Variants in AP2A1 observed in about 807,000 individuals in gnomAD.
AP2A1 encodes the protein AP-2 complex subunit alpha-1.
AP2A1 carries 21 observed loss-of-function variants against 107.3 expected under a neutral mutation model. That is an observed-to-expected ratio of 0.20 (90% CI 0.14 to 0.28). The LOEUF is 0.28. AP2A1 is among the 10% of genes least tolerant of loss of function. The pLI is 1.00. For missense variants in AP2A1, 873 were observed against 1,307.7 expected (o/e 0.67, Z 5.13); for synonymous variants, 602 against 564.8 (o/e 1.07, Z -0.93).
intron 4 of AP2A1, 162 bp from the exon 5 acceptor site, chr19:49,791,772 TG>T: frequency 1.3e-6 from 1 of 764,844 alleles, no homozygotes; most frequent in Non-Finnish European, 2.1e-6. Flanking sequence ...TGAGTCCTGG[TG>T]GGCCGTGAGG....
Position 49,801,506 on chromosome 19 carries a change from C to A in AP2A1, c.1670C>A (p.Ala557Asp), listed in dbSNP as rs774348187. Residue 557 changes from alanine to aspartate, a missense_variant, in exon 13 of 23, where the codon GCC becomes GAC. Ala to Asp is a moderately radical substitution (Grantham distance 126, BLOSUM62 -2). Coordinates refer to ENST00000354293, the MANE Select transcript of AP2A1 (RefSeq NM_130787.3). The part of the protein sequence containing the change: ...KFINLFPETK[A>D]TIQGVLRAGS... The stretch of plus-strand genomic sequence containing the variant: ...ATCAACCTCTTCCCCGAGACCAAGG[C>A]CACCATCCAGGGCGTCCTGCGGGCC... The A allele has an allele frequency of 8.1e-6, 13 of 1,613,642 alleles. No homozygotes were observed. Among genetic ancestry groups the A allele is most frequent in the Admixed American group, 1.7e-5 (1 of 59,978 alleles).
intron 12 of AP2A1, 28 bp from the exon 13 acceptor site, chr19:49,801,362 C>A: frequency 1.9e-6 from 3 of 1,594,332 alleles, no homozygotes; most frequent in Non-Finnish European, 2.6e-6. Flanking sequence ...TGGAACCTGG[C>A]CCCGCTGACA....
intron 6 of AP2A1, among the ~76,000 whole-genome samples, chr19:49,794,407 G>A (rs116466716): frequency 2.3e-3 from 351 of 151,050 alleles, no homozygotes; most frequent in African/African-American, 7.8e-3. Context: ...TTGCTTTGTC[G>A]CCCACACTGG....
chr19:49,778,736 AC>A (rs967737375), intron 1 of AP2A1, among the ~76,000 whole-genome samples: 96 of 152,284 alleles, frequency 6.3e-4, no homozygotes, highest in African/African-American at 2.3e-3. Flanking sequence ...TTTGTTGCTG[AC>A]TGAAATGTTG....
intron 1 of AP2A1, among the ~76,000 whole-genome samples, chr19:49,771,695 C>T (rs1006643639): frequency 1.3e-5 from 2 of 152,078 alleles, no homozygotes; most frequent in African/African-American, 4.8e-5. Context: ...AGGTGTGAGC[C>T]ACCGCGCCTG....
At chr19:49,779,369 T>A (rs1338798456) in intron 1 of AP2A1, among the ~76,000 whole-genome samples, 1 of 145,854 alleles carries the variant, frequency 6.9e-6, no homozygotes, top group Non-Finnish European at 1.5e-5. Context: ...TAGTTGAATG[T>A]GGTGTTATGC....
At position 49,801,909 on chromosome 19, in the gene AP2A1, CCCTGCCAGGGTGCCTGGGGCTGGGT is replaced by C. The variant is rs1176433404; in HGVS notation, c.1953+27_1954-41del. ...ACTGTGGTGAGTCCCCTGGGGTGGGCCCTGCCAGGGTGCCTGGGGCTGGGTCCTGCCGGGCGCCGCCTGTCCTCAC... is the reference window on the plus strand; with the variant it reads ...ACTGTGGTGAGTCCCCTGGGGTGGGCCCTGCCGGGCGCCGCCTGTCCTCAC... On this transcript the variant is annotated intron_variant, in intron 14 of 22. Transcript: ENST00000354293. The C allele has an allele frequency of 6.1e-6, 9 of 1,464,012 alleles. No individual in the cohort carries two copies. Among genetic ancestry groups the C allele is most frequent in the East Asian group, 2.4e-5 (1 of 40,958 alleles). The allele number at this position is 1,464,012 out of a possible 1,614,324, so 90.7% of individuals were successfully genotyped here. A position where few individuals can be genotyped will look rare whatever the true frequency, so the allele number is the denominator to read the frequency against.
intron 6 of AP2A1, 85 bp downstream of exon 6, chr19:49,793,177 G>C (rs1038025852): frequency 7.9e-7 from 1 of 1,267,444 alleles, no homozygotes; most frequent in East Asian, 2.5e-5. Flanking sequence ...CACTCTCCCT[G>C]AGAGGCAGCC....
chr19:49,790,509 C>T (rs567881179), intron 4 of AP2A1, among the ~76,000 whole-genome samples: 154 of 152,306 alleles, frequency 1.0e-3, no homozygotes, highest in African/African-American at 3.3e-3. Flanking sequence ...AGCGATCCTC[C>T]CACCTCAGCC....
chr19:49,768,099 G>A (rs61398712), intron 1 of AP2A1, among the ~76,000 whole-genome samples: 12,879 of 152,090 alleles, frequency 0.085, 625 homozygotes, highest in South Asian at 0.13. Flanking sequence ...TATCTGGAAA[G>A]CTGGGAATAG....
At chr19:49,781,880 G>C in intron 2 of AP2A1, 55 bp downstream of exon 2, 1 of 1,575,036 alleles carries the variant, frequency 6.3e-7, no homozygotes, top group Non-Finnish European at 8.6e-7. Context: ...GGGAGCTGGG[G>C]CTCCTGTGAC....
rs1428278823 is a variant in AP2A1 at position 49,805,644 on chromosome 19, C to A, written c.2469-17C>A. The A allele has an allele frequency of 1.3e-6, 2 of 1,555,888 alleles. No homozygotes were observed. Among genetic ancestry groups the A allele is most frequent in the African/African-American group, 2.7e-5 (2 of 73,276 alleles). On this transcript the variant is annotated splice_polypyrimidine_tract_variant and intron_variant, in intron 19 of 22. Coordinates refer to ENST00000354293, the MANE Select transcript of AP2A1 (RefSeq NM_130787.3). Reference sequence around the variant, plus strand: ...TGAGGGGCGGGGCCTAATGGAGCCTCCCTTTCACCTCATCAGGTACGGTGG... The same window carrying A: ...TGAGGGGCGGGGCCTAATGGAGCCTACCTTTCACCTCATCAGGTACGGTGG...
At chr19:49,787,337 T>A (rs1363599846) in intron 4 of AP2A1, among the ~76,000 whole-genome samples, 1 of 106,548 alleles carries the variant, frequency 9.4e-6, no homozygotes, top group African/African-American at 4.1e-5. Context: ...TTTTTTTGTT[T>A]GTTTTTTTTG....
chr19:49,797,218 A>C (rs2123738302), intron 7 of AP2A1: 1 of 152,124 alleles, frequency 6.6e-6, no homozygotes, highest in East Asian at 1.9e-4. Context: ...ACCCTGTGTC[A>C]CCTCCTTTTC....
intron 6 of AP2A1, among the ~76,000 whole-genome samples, chr19:49,794,535 G>A (rs1335315540): frequency 6.6e-6 from 1 of 151,832 alleles, no homozygotes; most frequent in African/African-American, 2.4e-5. Context: ...TCACACATCT[G>A]AGTACTGCAG....
rs1476149935 is a variant in AP2A1, at chr19:49,799,738, C to T, written c.1244C>T (p.Thr415Met). Residue 415 changes from threonine (T) to methionine (M), a missense_variant, in exon 10 of 23, where the codon ACG (threonine) becomes ATG (methionine). By Grantham distance (81) the Thr-to-Met change is moderately conservative. Transcript: ENST00000354293. Reference protein sequence around the residue: ...IVSEMLRYLETADYAIREEIV... With the variant: ...IVSEMLRYLEMADYAIREEIV... ...TCGGAGATGCTGCGGTACCTGGAGACGGCAGACTACGCCATCCGCGAGGAG... is the reference window on the plus strand; with the variant it reads ...TCGGAGATGCTGCGGTACCTGGAGATGGCAGACTACGCCATCCGCGAGGAG... 11 of 1,613,358 alleles carry T rather than the reference C, an allele frequency of 6.8e-6. No individual in the cohort carries two copies. The highest frequency in any genetic ancestry group is 1.3e-5 in the African/African-American group (1 of 74,926).
At position 49,805,646 on chromosome 19, in the gene AP2A1, C is replaced by T. The variant is rs1371179615; in HGVS notation, c.2469-15C>T. ...AGGGGCGGGGCCTAATGGAGCCTCC[C>T]TTTCACCTCATCAGGTACGGTGGCG... is the stretch of plus-strand genomic sequence containing the variant. On this transcript the variant is annotated splice_polypyrimidine_tract_variant and intron_variant, in intron 19 of 22. Coordinates refer to ENST00000354293, the MANE Select transcript of AP2A1 (RefSeq NM_130787.3). 6.4e-6 allele frequency: 10 copies of T among 1,557,204 alleles called. No individual in the cohort carries two copies. Among genetic ancestry groups the T allele is most frequent in the East Asian group, 4.8e-5 (2 of 41,374 alleles).
In AP2A1 at chr19:49,801,371, C is replaced by A; in HGVS notation, c.1554-19C>A. On this transcript the variant is annotated intron_variant, in intron 12 of 22. Transcript: ENST00000354293. ...GGGCAGTGGAACCTGGCCCCGCTGA[C>A]ACCCACTCCTGCACACAGCCCCCCA... 1 of 1,605,812 alleles carries A rather than the reference C, an allele frequency of 6.2e-7. No homozygotes were observed. Among genetic ancestry groups the A allele is most frequent in the East Asian group, 2.2e-5 (1 of 44,790 alleles).
rs375557435 is a variant in AP2A1, at chr19:49,803,321, G to C, written c.2289G>C (p.Ser763=). ...ATCTCTTCTATGGCAACAAGACCTCGGTGCAGTTCCAGAATTTCTCACCCA... is the reference window on the plus strand; with the variant it reads ...ATCTCTTCTATGGCAACAAGACCTCCGTGCAGTTCCAGAATTTCTCACCCA... The part of the protein sequence containing the change: ...RMYLFYGNKT[S]VQFQNFSPTV... Residue 763 remains serine (S), a synonymous_variant, in exon 18 of 23, where the codon TCG becomes TCC. Coordinates refer to ENST00000354293, the MANE Select transcript of AP2A1 (RefSeq NM_130787.3). 3 of 1,613,746 alleles carry C rather than the reference G, an allele frequency of 1.9e-6. No individual in the cohort carries two copies. The highest frequency in any genetic ancestry group is 1.7e-6 in the Non-Finnish European group (2 of 1,179,886).
Sources: gnomAD v4.1 joint callset for allele counts (sites outside exome capture counted in the v4.1 genomes callset) on GRCh38, gnomAD v4.1.1 for gene constraint, MANE v1.5 for transcripts, NCBI Gene and HGNC (gene_info 2026-07-23, HGNC 2026-07-21) for gene names.